ITGA4: variants seen among roughly 807,000 people sequenced by gnomAD.
The protein encoded by ITGA4 is integrin alpha-4.
ITGA4 carries 63 observed loss-of-function variants against 133.6 expected under a neutral mutation model. The ratio of observed to expected loss-of-function variants is 0.47; its 90% CI spans 0.38 to 0.58. The LOEUF is 0.58. ITGA4 is among the 20% of genes least tolerant of loss of function. ITGA4 has a pLI of 0.00. For synonymous variants in ITGA4, 483 were observed against 438.0 expected (o/e 1.10, Z -1.28); for missense variants, 1,076 against 1,252.7 (o/e 0.86, Z 2.13).
intron 2 of ITGA4, 103 bp from the exon 3 acceptor site, chr2:181,474,857 G>T: frequency 1.4e-6 from 1 of 738,400 alleles, no homozygotes; most frequent in Non-Finnish European, 2.3e-6. Flanking sequence ...ATATAAGATA[G>T]AGAAGTAGTT....
intron 17 of ITGA4, among the ~76,000 whole-genome samples, chr2:181,519,128 C>T (rs541155369): frequency 6.6e-6 from 1 of 152,092 alleles, no homozygotes; most frequent in South Asian, 2.1e-4. Context: ...ACTATATACA[C>T]CAATGATAAG....
intron 2 of ITGA4, among the ~76,000 whole-genome samples, chr2:181,465,559 G>A (rs1343397835): frequency 6.6e-6 from 1 of 152,050 alleles, no homozygotes; most frequent in Non-Finnish European, 1.5e-5. Context: ...AGACAAAGTG[G>A]CATCCACACA....
At chr2:181,526,797 G>A (rs924228467) in intron 21 of ITGA4, among the ~76,000 whole-genome samples, 1 of 125,982 alleles carries the variant, frequency 7.9e-6, no homozygotes, top group Non-Finnish European at 1.6e-5. Flanking sequence ...GACAGATATT[G>A]TCACCCAGGT....
intron 4 of ITGA4, chr2:181,475,719 A>G (rs1300838964): frequency 2.8e-6 from 4 of 1,432,060 alleles, no homozygotes; most frequent in African/African-American, 1.4e-5. Context: ...TTTCATTCGC[A>G]CTCACTATCT....
Position 181,523,371 on chromosome 2 carries a change from TAAAC to T in ITGA4, c.2074-64_2074-61del. 1 of 920,174 alleles carries T rather than the reference TAAAC, an allele frequency of 1.1e-6. No homozygotes were observed. Among genetic ancestry groups the T allele is most frequent in the South Asian group, 1.3e-5 (1 of 74,704 alleles). 57.0% of individuals were successfully genotyped at this position (920,174 alleles called of 1,614,324 possible). ...TGATATTCTTTTCAATAACCATCCT[TAAAC>T]ATATGTTACAAACTTTTTATTTCCT... On this transcript the variant is annotated intron_variant, in intron 18 of 27. Transcript: ENST00000397033. The surrounding 1 kb of genome is among the most constrained non-coding windows in gnomAD (Gnocchi z 4.2).
At chr2:181,532,689 G>A (rs2105773374) in intron 25 of ITGA4, among the ~76,000 whole-genome samples, 1 of 152,248 alleles carries the variant, frequency 6.6e-6, no homozygotes, top group African/African-American at 2.4e-5. Flanking sequence ...CATGTCACCT[G>A]CAAACAATTT....
intron 15 of ITGA4, among the ~76,000 whole-genome samples, chr2:181,501,858 C>A (rs1376197389): frequency 6.6e-6 from 1 of 152,060 alleles, no homozygotes. Flanking sequence ...AGGCTTTGTA[C>A]ATACTCATCT....
chr2:181,525,673 A>C (rs888439898), intron 21 of ITGA4, among the ~76,000 whole-genome samples: 2 of 151,962 alleles, frequency 1.3e-5, no homozygotes, highest in African/African-American at 2.4e-5. Flanking sequence ...GTGTGAACTT[A>C]GTCAAATCAC....
chr2:181,514,306 G>T (rs1417214092), intron 17 of ITGA4, among the ~76,000 whole-genome samples: 3 of 152,004 alleles, frequency 2.0e-5, no homozygotes, highest in Non-Finnish European at 2.9e-5. Flanking sequence ...TAAGTAAAAA[G>T]GTTGACAAAT....
intron 1 of ITGA4, 111 bp from the exon 2 acceptor site, chr2:181,458,085 G>A (rs1685173763): frequency 2.1e-6 from 3 of 1,444,450 alleles, no homozygotes; most frequent in Non-Finnish European, 9.6e-7. Context: ...GTGGTGGGCG[G>A]AGGAGGAGGT....
intron 10 of ITGA4, chr2:181,492,917 A>G (rs1366834648): frequency 6.4e-6 from 1 of 156,320 alleles, no homozygotes; most frequent in African/African-American, 2.4e-5. Context: ...TAAGCACTTT[A>G]CATAGGTCAT....
chr2:181,459,511 G>T (rs1045768033), intron 2 of ITGA4: 1 of 152,146 alleles, frequency 6.6e-6, no homozygotes, highest in East Asian at 1.9e-4. Context: ...GATGAATTCA[G>T]ATAGAGTATA....
At chr2:181,458,533 C>T in intron 2 of ITGA4, 1 of 579,336 alleles carries the variant, frequency 1.7e-6, no homozygotes, top group Non-Finnish European at 3.1e-6. Flanking sequence ...GCAATGATTG[C>T]AGTACTCTGA....
intron 24 of ITGA4, among the ~76,000 whole-genome samples, chr2:181,531,399 CAGA>C (rs1434272408): frequency 2.0e-5 from 3 of 152,050 alleles, no homozygotes; most frequent in African/African-American, 4.8e-5. Context: ...AATTCTGTCC[CAGA>C]AGATTATGTT....
intron 2 of ITGA4, 142 bp from the exon 3 acceptor site, chr2:181,474,818 T>C (rs924308994): frequency 7.9e-6 from 5 of 632,982 alleles, no homozygotes; most frequent in Non-Finnish European, 1.4e-5. Flanking sequence ...CACAGAGTAA[T>C]TCACATTTAT....
rs1222740585 is a variant in ITGA4 at position 181,538,379 on chromosome 2, A to G, written c.*2852A>G. 11 of 619,290 alleles carry G rather than the reference A, an allele frequency of 1.8e-5. No homozygotes were observed. Among genetic ancestry groups the G allele is most frequent in the Non-Finnish European group, 5.9e-6 (2 of 341,042 alleles). The allele number at this position is 619,290 out of a possible 1,614,324, so 38.4% of individuals were successfully genotyped here. A position where few individuals can be genotyped will look rare whatever the true frequency, so the allele number is the denominator to read the frequency against. On this transcript the variant is annotated 3_prime_UTR_variant, in exon 28 of 28. Coordinates refer to ENST00000397033, the MANE Select transcript of ITGA4 (RefSeq NM_000885.6). ...CATTCCCAACAGAGCTGTAATCTAG[A>G]AAACTGAGAAGGTCTGATTGATAAA... is the stretch of plus-strand genomic sequence containing the variant.
At chr2:181,462,148 G>A (rs1048364760) in intron 2 of ITGA4, among the ~76,000 whole-genome samples, 9 of 152,146 alleles carry the variant, frequency 5.9e-5, no homozygotes, top group East Asian at 1.9e-4. Context: ...TAAAAATAAC[G>A]CTATCTCTTT....
chr2:181,508,882 C>T (rs992113154), intron 15 of ITGA4, among the ~76,000 whole-genome samples: 3 of 151,636 alleles, frequency 2.0e-5, no homozygotes, highest in Non-Finnish European at 4.4e-5. Flanking sequence ...GTGGCTCACA[C>T]CTGTAATCCC....
chr2:181,535,004 C>T, intron 27 of ITGA4, 69 bp downstream of exon 27: 1 of 1,461,266 alleles, frequency 6.8e-7, no homozygotes, highest in Non-Finnish European at 9.1e-7. Flanking sequence ...ATTTGACTTC[C>T]AAGTTATTAG....
Sources: allele counts gnomAD v4.1 joint callset (sites outside exome capture counted in the v4.1 genomes callset), GRCh38; gene constraint gnomAD v4.1.1; non-coding constraint Gnocchi (gnomAD v3.1); transcripts MANE v1.5; gene names NCBI Gene and HGNC (gene_info 2026-07-23, HGNC 2026-07-21).